Variants in MGST1 observed in about 807,000 individuals in gnomAD.
MGST1 encodes the protein microsomal glutathione S-transferase 1.
Under a neutral mutation model 8.9 loss-of-function variants are expected in MGST1, and 5 were observed. The ratio of observed to expected loss-of-function variants is 0.56; its 90% confidence interval spans 0.29 to 1.19. The LOEUF (loss-of-function observed/expected upper bound fraction) is 1.19. MGST1 is among the 50% of genes most tolerant of loss of function. MGST1 has a pLI of 0.08. For synonymous variants in MGST1, 54 were observed against 67.8 expected (o/e 0.80, Z 1.00); for missense variants, 182 against 187.4 (o/e 0.97, Z 0.17).
At chr12:16,457,616 T>C (rs1941185982) in intron 4 of MGST1, among the ~76,000 whole-genome samples, 1 of 152,000 alleles carries the variant, frequency 6.6e-6, no homozygotes, top group South Asian at 2.1e-4. Context: ...TTTTCATTGA[T>C]TAGTTTCTCT....
At chr12:16,368,719 C>T (rs1940236549), downstream of MGST1, among the ~76,000 whole-genome samples, 1 of 152,080 alleles carries the variant, frequency 6.6e-6, no homozygotes, top group African/African-American at 2.4e-5. Context: ...TGTGAGCCTC[C>T]TCAGTCAGCA....
At chr12:16,377,965 T>C (rs1940407201), downstream of MGST1, among the ~76,000 whole-genome samples, 2 of 151,950 alleles carry the variant, frequency 1.3e-5, no homozygotes, top group South Asian at 4.2e-4. Context: ...TGTCTGTTCA[T>C]ATCCTTTGCC....
chr12:16,524,562 C>A (rs935806894), intron 4 of MGST1, among the ~76,000 whole-genome samples: 2 of 152,060 alleles, frequency 1.3e-5, no homozygotes, highest in Non-Finnish European at 1.5e-5. Context: ...CAAGTCCAGT[C>A]AGACAACACA....
At chr12:16,473,968 A>G (rs527607290) in intron 4 of MGST1, among the ~76,000 whole-genome samples, 1 of 152,338 alleles carries the variant, frequency 6.6e-6, no homozygotes, top group East Asian at 1.9e-4. Flanking sequence ...ACTCTTTGTC[A>G]TCTTATTTCT....
At chr12:16,423,257 T>C (rs980295873) in intron 1 of MGST1, among the ~76,000 whole-genome samples, 1 of 152,198 alleles carries the variant, frequency 6.6e-6, no homozygotes, top group Non-Finnish European at 1.5e-5. Flanking sequence ...TTGGCCCACG[T>C]CCTCAACTAT....
At chr12:16,397,953 T>G (rs1041196979) in intron 1 of MGST1, among the ~76,000 whole-genome samples, 1 of 151,588 alleles carries the variant, frequency 6.6e-6, no homozygotes, top group African/African-American at 2.4e-5. Context: ...TAAATATAAA[T>G]AGGTCAATAT....
At chr12:16,493,809 T>C (rs1347708786) in intron 4 of MGST1, among the ~76,000 whole-genome samples, 2 of 152,170 alleles carry the variant, frequency 1.3e-5, no homozygotes, top group Non-Finnish European at 2.9e-5. Context: ...TATTAGAATT[T>C]TAAAATTGTG....
rs1941498786 is a variant in MGST1 at position 16,500,488 on chromosome 12, C to G, written n.483-89040C>G. ...TTACATTACATTTACAGTTTTATTT[C>G]ATTTTGTAAAGTTTCATTTCAAAAC... On this transcript the variant is annotated intron_variant and non_coding_transcript_variant, in intron 4 of 4. Transcript: ENST00000538857. This position sits in a 1 kb window ranked among gnomAD's most constrained non-coding sequence, Gnocchi z 4.3. Among the ~76,000 whole-genome samples the G allele has an allele frequency of 6.6e-6, 1 of 152,130 alleles. No homozygotes were observed. The highest frequency in any genetic ancestry group is 1.5e-5 in the Non-Finnish European group (1 of 68,010).
chr12:16,448,562 C>G, intron 4 of MGST1, among the ~76,000 whole-genome samples: 1 of 151,798 alleles, frequency 6.6e-6, no homozygotes, highest in Non-Finnish European at 1.5e-5. Flanking sequence ...TGGTTGAAAG[C>G]AAATTCAGAA....
chr12:16,483,012 T>C (rs1178272497), intron 4 of MGST1, among the ~76,000 whole-genome samples: 1 of 152,214 alleles, frequency 6.6e-6, no homozygotes, highest in Admixed American at 6.5e-5. Context: ...AAAAAACAGC[T>C]TTATGTGGAT....
chr12:16,389,224 G>A lies in MGST1; in HGVS notation n.778+5620G>A, dbSNP rs1234854553. On this transcript the variant is annotated intron_variant and non_coding_transcript_variant, in intron 1 of 1. Transcript: ENST00000359720. The surrounding 1 kb of genome is among the most constrained non-coding windows in gnomAD (Gnocchi z 4.6). ...ACAGAAATAACAGAAGGAAATTTTA[G>A]CTTCACAAACTGAAAAGAAATAGTT... Among the ~76,000 whole-genome samples, 2 of 152,172 alleles carry A rather than the reference G, an allele frequency of 1.3e-5. No individual in the cohort carries two copies. Among genetic ancestry groups the A allele is most frequent in the East Asian group, 1.9e-4 (1 of 5,192 alleles).
At chr12:16,360,268 A>G (rs1939929381) in intron 3 of MGST1, 1 of 721,674 alleles carries the variant, frequency 1.4e-6, no homozygotes. Flanking sequence ...TTTAAGTTAG[A>G]CTTTTTTTTT....
At chr12:16,588,972 T>G (rs1353875377) in intron 4 of MGST1, among the ~76,000 whole-genome samples, 1 of 152,028 alleles carries the variant, frequency 6.6e-6, no homozygotes, top group Non-Finnish European at 1.5e-5. Flanking sequence ...CCCTAACTAT[T>G]TTATGAATAG....
At chr12:16,534,829 G>C (rs754270945) in intron 4 of MGST1, among the ~76,000 whole-genome samples, 3 of 152,116 alleles carry the variant, frequency 2.0e-5, no homozygotes, top group Non-Finnish European at 2.9e-5. Flanking sequence ...AAATGCATTT[G>C]TACCATCCAG....
downstream of MGST1, among the ~76,000 whole-genome samples, chr12:16,381,139 A>C (rs966773696): frequency 6.6e-6 from 1 of 152,176 alleles, no homozygotes; most frequent in Non-Finnish European, 1.5e-5. Context: ...GCCCATTTAC[A>C]TTTAAAGTTA....
chr12:16,560,709 C>T lies in MGST1; in HGVS notation n.483-28819C>T, dbSNP rs191066630. ...CATAAATATTCTTCTGCAATATATT[C>T]TCCGTTGACCTTCCTTGATGAAAAT... On this transcript the variant is annotated intron_variant and non_coding_transcript_variant, in intron 4 of 4. Transcript: ENST00000538857. This position sits in a 1 kb window ranked among gnomAD's most constrained non-coding sequence, Gnocchi z 5.0. The T allele has an allele frequency of 3.1e-6, 2 of 635,716 alleles. No homozygotes were observed. Among genetic ancestry groups the T allele is most frequent in the Non-Finnish European group, 5.5e-6 (2 of 361,822 alleles). 39.4% of individuals were successfully genotyped at this position (635,716 alleles called of 1,614,324 possible). A position where few individuals can be genotyped will look rare whatever the true frequency, so the allele number is the denominator to read the frequency against.
At chr12:16,384,082 G>A (rs1274914036) in intron 1 of MGST1, among the ~76,000 whole-genome samples, 1 of 152,048 alleles carries the variant, frequency 6.6e-6, no homozygotes, top group Admixed American at 6.5e-5. Flanking sequence ...AAATTCCTCT[G>A]GTACAAAAAG....
chr12:16,455,387 T>G (rs1268437297), intron 4 of MGST1, among the ~76,000 whole-genome samples: 2 of 151,842 alleles, frequency 1.3e-5, no homozygotes, highest in Admixed American at 6.6e-5. Context: ...GAGCAATCAC[T>G]CTTAACCACT....
At chr12:16,390,799 T>C (rs1379633328) in intron 1 of MGST1, among the ~76,000 whole-genome samples, 1 of 152,140 alleles carries the variant, frequency 6.6e-6, no homozygotes, top group African/African-American at 2.4e-5. Context: ...AGTAGAATTA[T>C]TTGTATTGTT....
Sources: allele counts gnomAD v4.1 joint callset (sites outside exome capture counted in the v4.1 genomes callset), GRCh38; gene constraint gnomAD v4.1.1; non-coding constraint Gnocchi (gnomAD v3.1); transcripts MANE v1.5; gene names NCBI Gene and HGNC (gene_info 2026-07-23, HGNC 2026-07-21).